The following EGF variants were observed in gnomAD, a reference collection of about 807,000 sequenced individuals.
The protein encoded by EGF is pro-epidermal growth factor.
In EGF, 95 loss-of-function variants were observed where a neutral mutation model predicts 143.8. The observed-to-expected ratio is 0.66, with a 90% CI of 0.56 to 0.78. The LOEUF is 0.78. Among genes scored for constraint, EGF ranks in the 30% least tolerant of loss-of-function variants. The probability of loss-of-function intolerance (pLI) is 0.00; values close to 1 mark genes in which losing one functional copy is unlikely to be tolerated. For synonymous variants in EGF, 510 were observed against 510.5 expected (o/e 1.00, Z 0.01); for missense variants, 1,320 against 1,470.9 (o/e 0.90, Z 1.68).
intron 1 of EGF, 50 bp downstream of exon 1, chr4:109,913,512 A>G: frequency 6.2e-7 from 1 of 1,602,632 alleles, no homozygotes; most frequent in East Asian, 2.3e-5. Context: ...AACTGCCCCC[A>G]CATCCCTGTT....
At chr4:109,993,152 A>C (rs538039777) in intron 18 of EGF, 95 bp from the exon 19 acceptor site, 1 of 1,523,522 alleles carries the variant, frequency 6.6e-7, no homozygotes, top group African/African-American at 1.4e-5. Context: ...GCATGACAGA[A>C]GCTGATGAAG....
At position 110,011,729 on chromosome 4, in the gene EGF, G is replaced by A; in HGVS notation, c.*274G>A. ...ACAACAGTGCTTTGTAAATTGTGTTGTCTTCAGCAGTCAATACAAATAGAT... is the reference window on the plus strand; with the variant it reads ...ACAACAGTGCTTTGTAAATTGTGTTATCTTCAGCAGTCAATACAAATAGAT... On this transcript the variant is annotated 3_prime_UTR_variant, in exon 24 of 24. Transcript: ENST00000265171. 2.1e-6 allele frequency: 1 copy of A among 485,946 alleles called. No homozygotes were observed. Among genetic ancestry groups the A allele is most frequent in the Non-Finnish European group, 3.7e-6 (1 of 269,206 alleles). 30.1% of individuals were successfully genotyped at this position (485,946 alleles called of 1,614,324 possible).
chr4:109,983,474 G>C lies in EGF; in HGVS notation c.2424G>C (p.Lys808Asn), dbSNP rs759537571. The C allele has an allele frequency of 6.2e-7, 1 of 1,613,702 alleles. No individual in the cohort carries two copies. Among genetic ancestry groups the C allele is most frequent in the Admixed American group, 1.7e-5 (1 of 60,004 alleles). The change falls in exon 16 of 24, where the codon AAG becomes AAC. Residue 808 changes from lysine (K) to asparagine (N), a missense_variant. By Grantham distance (94) the Lys-to-Asn change is moderately conservative. Coordinates refer to ENST00000265171, the MANE Select transcript of EGF (RefSeq NM_001963.6). ...TAACACCATTGGACATCTTGTCCAA[G>C]ACTAGAGTGTCAGAAGATAACATTA... ...NQVTPLDILS[K>N]TRVSEDNITE...
Position 110,012,834 on chromosome 4 carries a change from G to A in EGF, c.*1379G>A, listed in dbSNP as rs1474845131. Among the ~76,000 whole-genome samples the A allele has an allele frequency of 6.6e-6, 1 of 152,158 alleles. No individual in the cohort carries two copies. The highest frequency in any genetic ancestry group is 1.5e-5 in the Non-Finnish European group (1 of 68,032). ...ACTACAGATAACACAACCTGATATG[G>A]TAACTTTAAATTTTGGGGGCTTTGA... On this transcript the variant is annotated 3_prime_UTR_variant, in exon 24 of 24. Coordinates refer to ENST00000265171, the MANE Select transcript of EGF (RefSeq NM_001963.6).
At chr4:109,917,162 G>A (rs1050453529) in intron 1 of EGF, among the ~76,000 whole-genome samples, 7 of 152,240 alleles carry the variant, frequency 4.6e-5, no homozygotes, top group Non-Finnish European at 8.8e-5. Flanking sequence ...TCAGTTTTTT[G>A]CATATTTTTG....
intron 11 of EGF, among the ~76,000 whole-genome samples, chr4:109,971,499 G>A (rs76647219): frequency 0.017 from 2,579 of 152,136 alleles, 67 homozygotes; most frequent in African/African-American, 0.059. Context: ...ATTCACAAGG[G>A]ACCTCTAATT....
At chr4:109,985,972 T>G (rs552980965) in intron 16 of EGF, among the ~76,000 whole-genome samples, 55 of 152,328 alleles carry the variant, frequency 3.6e-4, no homozygotes, top group Middle Eastern at 3.4e-3. Flanking sequence ...TGATCAAATA[T>G]TTGACTAAAT....
intron 6 of EGF, 24 bp downstream of exon 6, chr4:109,959,461 G>C (rs1185094015): frequency 1.2e-6 from 2 of 1,613,594 alleles, no homozygotes; most frequent in Non-Finnish European, 1.7e-6. Context: ...GTACTGTGAA[G>C]GTAATGGAAG....
Position 109,941,159 on chromosome 4 carries a change from AC to A in EGF, c.327+16del, listed in dbSNP as rs779005940. The A allele has an allele frequency of 1.2e-6, 2 of 1,612,160 alleles. No homozygotes were observed. The highest frequency in any genetic ancestry group is 2.7e-5 in the African/African-American group (2 of 74,880). On this transcript the variant is annotated intron_variant, in intron 2 of 23. Coordinates refer to ENST00000265171, the MANE Select transcript of EGF (RefSeq NM_001963.6). ...TCAAGGCAAGAGGTAAAATACCCTT[AC>A]CTACAGTGTTTGAGCTGTTTTTGTA... is the stretch of plus-strand genomic sequence containing the variant.
chr4:109,930,208 A>G (rs1242513872), intron 1 of EGF, among the ~76,000 whole-genome samples: 1 of 152,192 alleles, frequency 6.6e-6, no homozygotes, highest in Non-Finnish European at 1.5e-5. Flanking sequence ...GTATTTCTTT[A>G]TAGCAGTGTG....
intron 10 of EGF, among the ~76,000 whole-genome samples, chr4:109,967,771 G>A (rs1198724821): frequency 6.6e-6 from 1 of 152,094 alleles, no homozygotes; most frequent in Non-Finnish European, 1.5e-5. Context: ...CATCACTAAT[G>A]GTCTAGCTTC....
At chr4:109,999,600 C>A (rs993443966) in intron 20 of EGF, 79 bp from the exon 21 acceptor site, 3 of 1,570,022 alleles carry the variant, frequency 1.9e-6, no homozygotes, top group Admixed American at 1.7e-5. Flanking sequence ...GGTTGAGAGA[C>A]AGCTGAATAC....
At chr4:109,996,368 G>A (rs185275970) in intron 20 of EGF, among the ~76,000 whole-genome samples, 162 of 152,098 alleles carry the variant, frequency 1.1e-3, no homozygotes, top group Non-Finnish European at 1.6e-3. Flanking sequence ...ATGACAAACT[G>A]GAGATAAGAC....
chr4:109,934,040 C>G (rs189136283), intron 1 of EGF, among the ~76,000 whole-genome samples: 61 of 152,352 alleles, frequency 4.0e-4, no homozygotes, highest in Non-Finnish European at 7.6e-4. Flanking sequence ...CTCCCACCAA[C>G]AGTGTAAAAG....
At chr4:109,968,407 G>A (rs1746952848) in intron 10 of EGF, among the ~76,000 whole-genome samples, 1 of 152,094 alleles carries the variant, frequency 6.6e-6, no homozygotes, top group Admixed American at 6.5e-5. Flanking sequence ...GAAGTGGGGT[G>A]CTACAGACTG....
At chr4:109,932,376 T>TATATATATATATATAA (rs1231665559) in intron 1 of EGF, among the ~76,000 whole-genome samples, 2 of 126,192 alleles carry the variant, frequency 1.6e-5, no homozygotes, top group East Asian at 5.4e-4. Context: ...TATATATATA[T>TATATATATATATATAA]AAATTTTTTT....
intron 10 of EGF, among the ~76,000 whole-genome samples, chr4:109,965,109 T>G (rs931743800): frequency 6.6e-6 from 1 of 152,142 alleles, no homozygotes; most frequent in Admixed American, 6.6e-5. Context: ...AATTTCTGTA[T>G]CAGCTGGCCA....
Position 109,974,639 on chromosome 4 carries a change from G to A in EGF, c.1725-64G>A, listed in dbSNP as rs997740110. On this transcript the variant is annotated intron_variant, in intron 11 of 23. Coordinates refer to ENST00000265171, the MANE Select transcript of EGF (RefSeq NM_001963.6). ...CTTTGCATTTCAGAAAGAGGAGAAA[G>A]GAGTATTTTTGTTTGAAAAGTAAAG... 503 of 1,182,744 alleles carry A rather than the reference G, an allele frequency of 4.3e-4. 1 individual carries two copies. Among genetic ancestry groups the A allele is most frequent in the Middle Eastern group, 8.1e-4 (4 of 4,918 alleles). 73.3% of individuals were successfully genotyped at this position (1,182,744 alleles called of 1,614,324 possible).
Position 109,932,571 on chromosome 4 carries a change from G to T in EGF, c.128-8375G>T, listed in dbSNP as rs537199245. ...TTTTTTGTATTTTTAGTAGAGACGG[G>T]GTTTCACCGTGTTAGCCAGGAAGGT... On this transcript the variant is annotated intron_variant, in intron 1 of 23. Coordinates refer to ENST00000265171, the MANE Select transcript of EGF (RefSeq NM_001963.6). 3.3e-5 allele frequency among the ~76,000 whole-genome samples: 5 copies of T among 150,902 alleles called. No individual in the cohort carries two copies. In the East Asian group the frequency reaches 9.8e-4, roughly 29 times the overall value.
Sources: gnomAD v4.1 joint callset for allele counts (sites outside exome capture counted in the v4.1 genomes callset) on GRCh38, gnomAD v4.1.1 for gene constraint, MANE v1.5 for transcripts, NCBI Gene and HGNC (gene_info 2026-07-23, HGNC 2026-07-21) for gene names.